Variants in FOLR3 observed in about 807,000 individuals in gnomAD.
FOLR3 encodes the protein folate receptor 3 (gamma).
Under a neutral mutation model 20.0 loss-of-function variants are expected in FOLR3, and 9 were observed. The observed-to-expected ratio is 0.45, with a 90% CI of 0.27 to 0.79. The LOEUF is 0.79. Among genes scored for constraint, FOLR3 ranks in the 30% least tolerant of loss-of-function variants. The pLI, the probability that FOLR3 is intolerant of heterozygous loss-of-function variation, is 0.15. For missense variants in FOLR3, 309 were observed against 323.5 expected, an observed-to-expected ratio of 0.96 and a Z score of 0.34; for synonymous variants, 124 against 115.5, an observed-to-expected ratio of 1.07 and a Z score of -0.47.
Position 72,136,034 on chromosome 11 carries a change from C to T in FOLR3, c.82C>T (p.Arg28Trp), listed in dbSNP as rs1802609. The T allele has an allele frequency of 2.7e-5, 43 of 1,613,718 alleles. No individual in the cohort carries two copies. The highest frequency in any genetic ancestry group is 4.4e-5 in the South Asian group (4 of 91,088). Residue 28 changes from arginine (R) to tryptophan (W), a missense_variant, in exon 2 of 5, where the codon CGG (arginine) becomes TGG (tryptophan). By Grantham distance (101) the Arg-to-Trp change is moderately radical. Coordinates refer to ENST00000611028, the MANE Select transcript of FOLR3 (RefSeq NM_000804.4). ...AAGSAQPRSA[R>W]ARTDLLNVCM... is the part of the protein sequence containing the mutation. ...GGGGAGTGCCCAGCCCAGGAGTGCG[C>T]GGGCCAGGACGGACCTGCTCAATGT...
intron 2 of FOLR3, among the ~76,000 whole-genome samples, chr11:72,136,767 A>G (rs1225320309): frequency 6.6e-6 from 1 of 152,202 alleles, no homozygotes; most frequent in Non-Finnish European, 1.5e-5. Flanking sequence ...AGAGAGACAG[A>G]TGACTATCAT....
At chr11:72,136,182 G>A in intron 2 of FOLR3, 62 bp downstream of exon 2, 1 of 1,586,052 alleles carries the variant, frequency 6.3e-7, no homozygotes, top group Non-Finnish European at 8.6e-7. Context: ...CACGAGCAAT[G>A]GCAGGTCCAG....
intron 3 of FOLR3, 94 bp downstream of exon 3, chr11:72,139,243 A>G (rs1401580024): frequency 7.1e-6 from 11 of 1,553,944 alleles, no homozygotes; most frequent in Non-Finnish European, 6.1e-6. Context: ...TTCGGGTCTG[A>G]GGGTGGTGGA....
intron 2 of FOLR3, among the ~76,000 whole-genome samples, chr11:72,136,481 C>T (rs1685586984): frequency 6.6e-6 from 1 of 151,850 alleles, no homozygotes; most frequent in South Asian, 2.1e-4. Context: ...ACATCTGAGT[C>T]ACTCCCAACA....
intron 2 of FOLR3, among the ~76,000 whole-genome samples, chr11:72,137,109 T>A (rs186165575): frequency 2.6e-5 from 4 of 152,260 alleles, no homozygotes; most frequent in Admixed American, 1.3e-4. Flanking sequence ...TTCTCCTGGG[T>A]GCTCAGGCCT....
chr11:72,139,172 C>T, intron 3 of FOLR3, 23 bp downstream of exon 3: 2 of 1,602,906 alleles, frequency 1.2e-6, no homozygotes, highest in South Asian at 1.1e-5. Context: ...TTCCCACAAA[C>T]ATTAACCTCA....
At chr11:72,136,250 AC>A in intron 2 of FOLR3, 130 bp downstream of exon 2, 1 of 1,081,956 alleles carries the variant, frequency 9.2e-7, no homozygotes, top group Non-Finnish European at 1.4e-6. Context: ...GGCCAGGGCC[AC>A]CATGCCACAG....
At chr11:72,138,803 C>A in intron 2 of FOLR3, 158 bp from the exon 3 acceptor site, 3 of 773,140 alleles carry the variant, frequency 3.9e-6, no homozygotes, top group Non-Finnish European at 4.3e-6. Flanking sequence ...GGGCGGAAAG[C>A]ACCAATATTG....
chr11:72,137,404 C>T lies in FOLR3; in HGVS notation c.168+1284C>T, dbSNP rs182957912. Among the ~76,000 whole-genome samples the T allele has an allele frequency of 1.7e-3, 261 of 152,160 alleles. 5 individuals carry two copies. The highest frequency in any genetic ancestry group is 1.1e-3 in the Non-Finnish European group (77 of 67,990). On this transcript the variant is annotated intron_variant, in intron 2 of 4. Coordinates refer to ENST00000611028, the MANE Select transcript of FOLR3 (RefSeq NM_000804.4). ...GAGTCTCCCCACCTGGACCTCCAGA[C>T]CCTGGGAGAGCCAGACCAGCCCCTT... is the stretch of plus-strand genomic sequence containing the variant.
chr11:72,138,597 A>AC (rs1464231675), intron 2 of FOLR3, among the ~76,000 whole-genome samples: 1 of 151,544 alleles, frequency 6.6e-6, no homozygotes, highest in Non-Finnish European at 1.5e-5. Flanking sequence ...ACATAGTGAG[A>AC]CCCCATCTCT....
chr11:72,138,871 T>C (rs1947776161), intron 2 of FOLR3, 90 bp from the exon 3 acceptor site: 6 of 1,522,354 alleles, frequency 3.9e-6, no homozygotes, highest in East Asian at 4.8e-5. Context: ...GAAGTGTTCC[T>C]CTGGATGACC....
chr11:72,139,868 A>C lies in FOLR3; in HGVS notation c.*37A>C. ...TCCTCTGGGGTTCTTCCAACAACCTATTCTAATAGACAAATCCACATGTGT... is the reference window on the plus strand; with the variant it reads ...TCCTCTGGGGTTCTTCCAACAACCTCTTCTAATAGACAAATCCACATGTGT... On this transcript the variant is annotated 3_prime_UTR_variant, in exon 5 of 5. Transcript: ENST00000611028. 6.2e-7 allele frequency: 1 copy of C among 1,607,244 alleles called. No homozygotes were observed. The highest frequency in any genetic ancestry group is 1.1e-5 in the South Asian group (1 of 90,814).
chr11:72,139,816 GATT>G lies in FOLR3; in HGVS notation c.727_729del (p.Ile243del). On this transcript the variant is annotated inframe_deletion, in exon 5 of 5. Transcript: ENST00000611028. ...TGAATGCTGGGGCCCCGTCTCGTGGGATTATTGATTCCTGATCCAAGAAGGGTC... is the reference window on the plus strand; with the variant it reads ...TGAATGCTGGGGCCCCGTCTCGTGGGATTGATTCCTGATCCAAGAAGGGTC... 2 of 1,613,968 alleles carry G rather than the reference GATT, an allele frequency of 1.2e-6. No homozygotes were observed. Among genetic ancestry groups the G allele is most frequent in the Non-Finnish European group, 1.7e-6 (2 of 1,179,858 alleles).
intron 2 of FOLR3, among the ~76,000 whole-genome samples, chr11:72,138,423 T>C (rs1225188733): frequency 1.3e-5 from 2 of 152,188 alleles, no homozygotes; most frequent in Non-Finnish European, 1.5e-5. Context: ...AGAGCTGTAC[T>C]ACTAATAATT....
intron 1 of FOLR3, 84 bp from the exon 2 acceptor site, chr11:72,135,863 G>C (rs1013814471): frequency 5.3e-5 from 75 of 1,407,342 alleles, no homozygotes; most frequent in Non-Finnish European, 7.2e-5. Flanking sequence ...AGAGATCTGG[G>C]CCTGGGAGGG....
chr11:72,138,946 G>A lies in FOLR3; in HGVS notation c.169-15G>A. On this transcript the variant is annotated splice_polypyrimidine_tract_variant and intron_variant, in intron 2 of 4. Coordinates refer to ENST00000611028, the MANE Select transcript of FOLR3 (RefSeq NM_000804.4). ...GTGGTGGGGAGAGACTTAGTCCTGTGTCTTCCCCACCCAGTGCAGTCCCTG... is the reference window on the plus strand; with the variant it reads ...GTGGTGGGGAGAGACTTAGTCCTGTATCTTCCCCACCCAGTGCAGTCCCTG... 1 of 1,613,740 alleles carries A rather than the reference G, an allele frequency of 6.2e-7. No individual in the cohort carries two copies. Among genetic ancestry groups the A allele is most frequent in the Non-Finnish European group, 8.5e-7 (1 of 1,179,788 alleles).
chr11:72,137,394 G>C (rs1194999422), intron 2 of FOLR3, among the ~76,000 whole-genome samples: 1 of 151,576 alleles, frequency 6.6e-6, no homozygotes, highest in African/African-American at 2.4e-5. Context: ...TCCCCACCTG[G>C]ACCTCCAGAC....
chr11:72,135,807 A>T, intron 1 of FOLR3, 39 bp downstream of exon 1: 1 of 890,096 alleles, frequency 1.1e-6, no homozygotes. Context: ...CACGCAGCGC[A>T]TTTCTTGGCT....
At chr11:72,139,303 G>C (rs753261655) in intron 3 of FOLR3, 44 bp from the exon 4 acceptor site, 2 of 1,597,826 alleles carry the variant, frequency 1.3e-6, no homozygotes, top group African/African-American at 2.7e-5. Flanking sequence ...TAAAGCTGCT[G>C]AGATACGTGG....
Sources: allele counts gnomAD v4.1 joint callset (sites outside exome capture counted in the v4.1 genomes callset), GRCh38; gene constraint gnomAD v4.1.1; transcripts MANE v1.5; gene names NCBI Gene and HGNC (gene_info 2026-07-23, HGNC 2026-07-21).